The following CCDC77 variants were observed in gnomAD, a reference collection of about 807,000 sequenced individuals.
CCDC77 encodes the protein coiled-coil domain-containing protein 77.
Under a neutral mutation model 66.8 loss-of-function variants are expected in CCDC77, and 56 were observed. The observed-to-expected ratio is 0.84, with a 90% CI of 0.68 to 1.05. CCDC77 has a LOEUF of 1.05. Ranked by LOEUF, CCDC77 falls within the 50% of genes least tolerant of loss-of-function variation. The probability of loss-of-function intolerance (pLI) is 0.00; values close to 1 mark genes in which losing one functional copy is unlikely to be tolerated. For missense variants in CCDC77, 570 were observed against 576.8 expected (o/e 0.99, Z 0.12); for synonymous variants, 196 against 195.2 (o/e 1.00, Z -0.03).
rs556262685 is a variant in CCDC77 at position 437,870 on chromosome 12, T to C, written c.822-465T>C. Among the ~76,000 whole-genome samples the C allele has an allele frequency of 3.3e-5, 5 of 150,314 alleles. No homozygotes were observed. In the South Asian group the frequency reaches 1.1e-3, roughly 32 times the overall value. ...TAAAAAAAAAAAAAAAAAAAAGTTC[T>C]TTTTAAAATAAACAAAGGATAAGAT... On this transcript the variant is annotated intron_variant, in intron 9 of 12. Transcript: ENST00000239830.
At chr12:438,728 A>G in intron 10 of CCDC77, 174 bp downstream of exon 10, 1 of 556,062 alleles carries the variant, frequency 1.8e-6, no homozygotes, top group South Asian at 2.2e-5. Flanking sequence ...TGGGGATTCA[A>G]AATATTAGAC....
At chr12:408,840 A>G (rs1426456513) in intron 2 of CCDC77, among the ~76,000 whole-genome samples, 1 of 152,160 alleles carries the variant, frequency 6.6e-6, no homozygotes, top group African/African-American at 2.4e-5. Flanking sequence ...TTTTATTTGA[A>G]AATAATTATG....
chr12:426,167 T>G (rs1004681466), intron 5 of CCDC77, among the ~76,000 whole-genome samples: 1 of 152,196 alleles, frequency 6.6e-6, no homozygotes, highest in Admixed American at 6.5e-5. Context: ...CCAGCCCAGA[T>G]TCTTTTATAC....
chr12:418,396 T>C (rs1945326704), intron 4 of CCDC77, 98 bp from the exon 5 acceptor site: 13 of 1,193,264 alleles, frequency 1.1e-5, no homozygotes, highest in South Asian at 7.0e-5. Context: ...TTATTTACTT[T>C]GGAATATTTC....
At position 440,654 on chromosome 12, in the gene CCDC77, C is replaced by T. The variant is rs1945840881; in HGVS notation, c.1079C>T (p.Ser360Phe). ...KDKLVQEKKL[S>F]NMYQEQCISL... Reference sequence around the variant, plus strand: ...AAGTTAGTACAAGAGAAAAAGCTGTCCAATATGTACCAAGAGCAGTGCATT... The same window carrying T: ...AAGTTAGTACAAGAGAAAAAGCTGTTCAATATGTACCAAGAGCAGTGCATT... Residue 360 changes from serine to phenylalanine, a missense_variant, in exon 11 of 13, where the codon TCC becomes TTC. Physicochemically the swap from Ser to Phe is radical, Grantham distance 155 (BLOSUM62 -2). Transcript: ENST00000239830. 1.2e-6 allele frequency: 2 copies of T among 1,614,012 alleles called. No individual in the cohort carries two copies. Among genetic ancestry groups the T allele is most frequent in the South Asian group, 2.2e-5 (2 of 91,086 alleles).
intron 4 of CCDC77, among the ~76,000 whole-genome samples, chr12:416,349 GT>G (rs1945265219): frequency 3.8e-5 from 1 of 26,248 alleles, no homozygotes; most frequent in South Asian, 2.1e-3. Flanking sequence ...GTGGGGGTGT[GT>G]GTGTGTGTGT....
intron 9 of CCDC77, among the ~76,000 whole-genome samples, chr12:433,772 A>G (rs1443744663): frequency 6.6e-6 from 1 of 152,222 alleles, no homozygotes; most frequent in African/African-American, 2.4e-5. Flanking sequence ...ATATCTAAAA[A>G]AAACTGCACA....
intron 5 of CCDC77, among the ~76,000 whole-genome samples, chr12:419,338 T>C (rs1157969426): frequency 6.6e-6 from 1 of 152,232 alleles, no homozygotes; most frequent in African/African-American, 2.4e-5. Context: ...TTCAGCCAAG[T>C]GTCATTTTTC....
chr12:404,308 ACT>A (rs940190077), intron 1 of CCDC77, among the ~76,000 whole-genome samples: 3 of 152,182 alleles, frequency 2.0e-5, no homozygotes, highest in Non-Finnish European at 4.4e-5. Flanking sequence ...ACAGAGTGAG[ACT>A]CTGTCTCAAA....
upstream of CCDC77, among the ~76,000 whole-genome samples, chr12:399,672 A>C (rs1944871617): frequency 6.6e-6 from 1 of 152,226 alleles, no homozygotes; most frequent in South Asian, 2.1e-4. Flanking sequence ...GTAGGACTTA[A>C]AATAAAACAT....
At chr12:397,837 G>T (rs1944848204), upstream of CCDC77, among the ~76,000 whole-genome samples, 2 of 152,010 alleles carry the variant, frequency 1.3e-5, no homozygotes, top group African/African-American at 4.8e-5. Flanking sequence ...TAGTAGAGAT[G>T]GGGTTTCACT....
chr12:422,811 G>C (rs1223280739), intron 5 of CCDC77, among the ~76,000 whole-genome samples: 1 of 152,084 alleles, frequency 6.6e-6, no homozygotes, highest in East Asian at 1.9e-4. Context: ...ACAGGGTTCT[G>C]CCATGTGGCC....
At chr12:403,158 G>A (rs1944927844) in intron 1 of CCDC77, among the ~76,000 whole-genome samples, 1 of 152,168 alleles carries the variant, frequency 6.6e-6, no homozygotes. Flanking sequence ...GCCATGTAGT[G>A]TTTTAGATGA....
intron 2 of CCDC77, among the ~76,000 whole-genome samples, chr12:406,582 C>T (rs1448198702): frequency 6.6e-6 from 1 of 152,132 alleles, no homozygotes; most frequent in East Asian, 1.9e-4. Context: ...GGCTTTTGGG[C>T]AGAGGAGTTT....
At chr12:414,134 C>T (rs547017664) in intron 4 of CCDC77, among the ~76,000 whole-genome samples, 3 of 151,206 alleles carry the variant, frequency 2.0e-5, no homozygotes, top group African/African-American at 7.3e-5. Context: ...CCCTGTCTGC[C>T]AGGCTGGAGT....
At position 416,342 on chromosome 12, in the gene CCDC77, GGGGTGTGT is replaced by G. The variant is rs1369677150; in HGVS notation, c.271-2150_271-2143del. ...GTGTGTGTGAGTCTGTGGGTGTGTG[GGGGTGTGT>G]GTGTGTGTGTGTGTGTGTGTGTGTG... On this transcript the variant is annotated intron_variant, in intron 4 of 12. Coordinates refer to ENST00000239830, the MANE Select transcript of CCDC77 (RefSeq NM_032358.4). Among the ~76,000 whole-genome samples, 15 of 34,640 alleles carry G rather than the reference GGGGTGTGT, an allele frequency of 4.3e-4. 2 individuals are homozygous for G. The highest frequency in any genetic ancestry group is 2.1e-3 in the African/African-American group (15 of 7,200). The allele number at this position is 34,640 out of a possible 152,430, so 22.7% of individuals were successfully genotyped here. A position where few individuals can be genotyped will look rare whatever the true frequency, so the allele number is the denominator to read the frequency against.
At chr12:427,769 G>A (rs1014807045) in intron 5 of CCDC77, among the ~76,000 whole-genome samples, 9 of 152,130 alleles carry the variant, frequency 5.9e-5, no homozygotes, top group South Asian at 4.2e-4. Context: ...CACCACACCC[G>A]GCCCGAAATC....
At chr12:418,747 T>TG in intron 5 of CCDC77, 111 bp downstream of exon 5, 1 of 1,174,206 alleles carries the variant, frequency 8.5e-7, no homozygotes, top group Non-Finnish European at 1.2e-6. Flanking sequence ...TTGCCCAGGC[T>TG]GGAGTACAGT....
chr12:433,077 T>C, intron 8 of CCDC77, 97 bp from the exon 9 acceptor site: 1 of 1,291,372 alleles, frequency 7.7e-7, no homozygotes, highest in Non-Finnish European at 1.1e-6. Context: ...TGTTTGTGTT[T>C]GTTTTTTAAT....
Sources: allele counts gnomAD v4.1 joint callset (sites outside exome capture counted in the v4.1 genomes callset), GRCh38; gene constraint gnomAD v4.1.1; transcripts MANE v1.5; gene names NCBI Gene and HGNC (gene_info 2026-07-23, HGNC 2026-07-21).